The following XPO5 variants were observed in gnomAD, a reference collection of about 807,000 sequenced individuals.
The protein encoded by XPO5 is exportin-5.
Under a neutral mutation model 160.6 loss-of-function variants are expected in XPO5, and 46 were observed. The observed-to-expected ratio is 0.29, with a 90% CI of 0.23 to 0.37. The LOEUF (loss-of-function observed/expected upper bound fraction) is 0.37. Among genes scored for constraint, XPO5 ranks in the 10% least tolerant of loss-of-function variants. The pLI, the probability that XPO5 is intolerant of heterozygous loss-of-function variation, is 1.00. For missense variants in XPO5, 1,090 were observed against 1,463.9 expected, an observed-to-expected ratio of 0.74 and a Z score of 4.17; for synonymous variants, 537 against 519.3, an observed-to-expected ratio of 1.03 and a Z score of -0.46.
chr6:43,542,511 G>A (rs1794750863), intron 20 of XPO5, among the ~76,000 whole-genome samples: 1 of 152,054 alleles, frequency 6.6e-6, no homozygotes, highest in Admixed American at 6.6e-5. Context: ...CCAAGTTCAA[G>A]CGATTCTCCT....
rs1387116642 is a variant in XPO5, at chr6:43,558,492, A to G, written c.1312+9T>C. On this transcript the variant is annotated intron_variant, in intron 12 of 31. Transcript: ENST00000265351. ...CTGTTGAGAGAAATCCAAGGCCAAC[A>G]TCACTTACAGTTGAAGAAAGCATTG... is the stretch of plus-strand genomic sequence containing the variant. 1 of 1,591,314 alleles carries G rather than the reference A, an allele frequency of 6.3e-7. No homozygotes were observed. The highest frequency in any genetic ancestry group is 8.6e-7 in the Non-Finnish European group (1 of 1,169,476).
Position 43,570,449 on chromosome 6 carries a change from C to A in XPO5, c.621+53G>T. 2.6e-6 allele frequency: 4 copies of A among 1,528,472 alleles called. No individual in the cohort carries two copies. The South Asian group carries it at 3.9e-5, about 15-fold the overall frequency. 94.7% of individuals were successfully genotyped at this position (1,528,472 alleles called of 1,614,324 possible). A position where few individuals can be genotyped will look rare whatever the true frequency, so the allele number is the denominator to read the frequency against. ...CCTAGTTCCTTACTGTAAGATTAAT[C>A]AAAAACACTCATATTGGAAAATAGA... On this transcript the variant is annotated intron_variant, in intron 5 of 31. Transcript: ENST00000265351.
Position 43,553,526 on chromosome 6 carries a change from T to TACACACACACAC in XPO5, c.1442-35_1442-24dup, listed in dbSNP as rs111634867. On this transcript the variant is annotated intron_variant, in intron 13 of 31. Transcript: ENST00000265351. ...AAGCTTTAAAACACACACACACACA[T>TACACACACACAC]ACACACACACACACACACACACAAT... The TACACACACACAC allele has an allele frequency of 4.1e-6, 6 of 1,448,026 alleles. No individual in the cohort carries two copies. In the African/African-American group the frequency reaches 5.7e-5, roughly 14 times the overall value. 89.7% of individuals were successfully genotyped at this position (1,448,026 alleles called of 1,614,324 possible).
intron 3 of XPO5, among the ~76,000 whole-genome samples, chr6:43,571,549 C>T (rs1763008035): frequency 6.6e-6 from 1 of 152,154 alleles, no homozygotes; most frequent in Non-Finnish European, 1.5e-5. Flanking sequence ...CCTGTAATCT[C>T]AGCATTTTGG....
chr6:43,572,047 A>G (rs1763035648), intron 3 of XPO5, among the ~76,000 whole-genome samples: 3 of 152,226 alleles, frequency 2.0e-5, no homozygotes, highest in South Asian at 4.1e-4. Context: ...AAACCTAGTA[A>G]GAGACATATG....
chr6:43,540,395 C>G (rs577177536), intron 20 of XPO5, among the ~76,000 whole-genome samples: 1 of 152,302 alleles, frequency 6.6e-6, no homozygotes, highest in East Asian at 1.9e-4. Flanking sequence ...AGGAGAATGC[C>G]GTGAACCTGG....
intron 3 of XPO5, among the ~76,000 whole-genome samples, chr6:43,571,738 T>C (rs1256660315): frequency 6.6e-6 from 1 of 151,972 alleles, no homozygotes; most frequent in East Asian, 1.9e-4. Context: ...AGCCCAGGAG[T>C]TCGAGGCTGC....
chr6:43,569,292 C>CA (rs1312409551), intron 5 of XPO5, among the ~76,000 whole-genome samples: 2,552 of 58,184 alleles, frequency 0.044, 31 homozygotes, highest in Non-Finnish European at 0.069. Flanking sequence ...AACTCCGTCT[C>CA]AAAAAAAAAA....
At chr6:43,566,313 G>A (rs1471904460) in intron 7 of XPO5, among the ~76,000 whole-genome samples, 1 of 152,130 alleles carries the variant, frequency 6.6e-6, no homozygotes, top group Non-Finnish European at 1.5e-5. Context: ...AGAATTGCTT[G>A]AACCCGGGAG....
intron 1 of XPO5, among the ~76,000 whole-genome samples, chr6:43,574,345 A>G (rs905389565): frequency 1.3e-5 from 2 of 151,802 alleles, no homozygotes; most frequent in African/African-American, 4.8e-5. Context: ...AAGTTGCAAA[A>G]CCTAGATCAA....
intron 13 of XPO5, among the ~76,000 whole-genome samples, chr6:43,554,336 C>A (rs995113327): frequency 5.9e-5 from 9 of 151,926 alleles, no homozygotes; most frequent in Non-Finnish European, 1.3e-4. Flanking sequence ...TGGTCTTAAA[C>A]TCCTGACCTT....
intron 8 of XPO5, among the ~76,000 whole-genome samples, chr6:43,563,782 G>C (rs1471939022): frequency 6.6e-6 from 1 of 152,192 alleles, no homozygotes; most frequent in East Asian, 1.9e-4. Context: ...TATACCTGTA[G>C]AAGGCACTTA....
chr6:43,551,621 C>T (rs1447596262), intron 14 of XPO5, among the ~76,000 whole-genome samples, 168 bp from the exon 15 acceptor site: 2 of 152,188 alleles, frequency 1.3e-5, no homozygotes, highest in Non-Finnish European at 1.5e-5. Context: ...AACTCTTGAG[C>T]TCAAGGGATC....
chr6:43,543,695 CG>C (rs1423463372), intron 20 of XPO5, among the ~76,000 whole-genome samples: 1 of 151,212 alleles, frequency 6.6e-6, no homozygotes, highest in Admixed American at 6.6e-5. Flanking sequence ...TTTTTTGAGA[CG>C]GAGTCTTCCC....
At chr6:43,575,389 G>A (rs1484360505) in intron 1 of XPO5, among the ~76,000 whole-genome samples, 1 of 152,182 alleles carries the variant, frequency 6.6e-6, no homozygotes, top group Non-Finnish European at 1.5e-5. Context: ...TGTTGGGGGC[G>A]GGATCTACAC....
Position 43,524,644 on chromosome 6 carries a change from A to C in XPO5, c.3313-9T>G. The C allele has an allele frequency of 6.2e-7, 1 of 1,613,188 alleles. No individual in the cohort carries two copies. Among genetic ancestry groups the C allele is most frequent in the Non-Finnish European group, 8.5e-7 (1 of 1,179,394 alleles). On this transcript the variant is annotated splice_polypyrimidine_tract_variant and intron_variant, in intron 30 of 31. Coordinates refer to ENST00000265351, the MANE Select transcript of XPO5 (RefSeq NM_020750.3). The stretch of plus-strand genomic sequence containing the variant: ...TCCAGGTACCTGGGGCGCTGATATC[A>C]GCAGGGATAAACTTACTGGATGTAG...
chr6:43,525,377 A>ATT, intron 28 of XPO5, 163 bp from the exon 29 acceptor site: 2 of 659,354 alleles, frequency 3.0e-6, no homozygotes, highest in Non-Finnish European at 5.1e-6. Context: ...GGCTCAAGCT[A>ATT]TTCTCCCATC....
At chr6:43,552,455 C>T (rs1266277196) in intron 14 of XPO5, among the ~76,000 whole-genome samples, 3 of 152,006 alleles carry the variant, frequency 2.0e-5, no homozygotes, top group South Asian at 2.1e-4. Context: ...TGGGTTCAAG[C>T]GATTCCTGTA....
intron 23 of XPO5, among the ~76,000 whole-genome samples, chr6:43,530,468 A>G (rs1793899030): frequency 6.6e-6 from 1 of 152,180 alleles, no homozygotes; most frequent in South Asian, 2.1e-4. Flanking sequence ...AGAAGGGGGA[A>G]GGTAAAAATT....
Sources: allele counts gnomAD v4.1 joint callset (sites outside exome capture counted in the v4.1 genomes callset), GRCh38; gene constraint gnomAD v4.1.1; transcripts MANE v1.5; gene names NCBI Gene and HGNC (gene_info 2026-07-23, HGNC 2026-07-21).